Variants in UGT1A7 observed in about 807,000 individuals in gnomAD.
UGT1A7 encodes UDP glucuronosyltransferase family 1 member A7.
UGT1A7 carries 33 observed loss-of-function variants against 45.6 expected under a neutral mutation model. That is an observed-to-expected ratio of 0.72 (90% CI 0.55 to 0.97). The LOEUF (loss-of-function observed/expected upper bound fraction) is 0.97. UGT1A7 is among the 50% of genes least tolerant of loss of function. UGT1A7 has a pLI of 0.00. For missense variants in UGT1A7, 684 were observed against 666.2 expected (o/e 1.03, Z -0.29); for synonymous variants, 274 against 250.6 (o/e 1.09, Z -0.88).
intron 1 of UGT1A7, chr2:233,691,046 A>G: frequency 1.0e-6 from 1 of 988,608 alleles, no homozygotes; most frequent in Non-Finnish European, 1.2e-6. Context: ...CGTCCACAGC[A>G]GAGTGGAGGT....
chr2:233,690,192 A>T (rs1459130504), intron 1 of UGT1A7, among the ~76,000 whole-genome samples: 1 of 152,240 alleles, frequency 6.6e-6, no homozygotes, highest in Admixed American at 6.5e-5. Flanking sequence ...TTCATAAAAT[A>T]TTCATAAATT....
chr2:233,725,495 C>A (rs1341757937), intron 1 of UGT1A7, among the ~76,000 whole-genome samples: 1 of 151,610 alleles, frequency 6.6e-6, no homozygotes, highest in Non-Finnish European at 1.5e-5. Flanking sequence ...AAAAAGAAAC[C>A]ACTGAAATTA....
chr2:233,753,025 CA>C (rs2125918346), intron 1 of UGT1A7, among the ~76,000 whole-genome samples: 1 of 152,200 alleles, frequency 6.6e-6, no homozygotes, highest in South Asian at 2.1e-4. Flanking sequence ...ATTTACAACA[CA>C]AAAAACTACC....
intron 1 of UGT1A7, chr2:233,718,687 G>C (rs878940196): frequency 1.1e-5 from 18 of 1,583,966 alleles, no homozygotes; most frequent in Admixed American, 9.0e-5. Context: ...TAAGTAACTG[G>C]AGGAGGGCAC....
intron 1 of UGT1A7, among the ~76,000 whole-genome samples, chr2:233,703,679 T>A (rs1325458220): frequency 1.3e-5 from 2 of 152,114 alleles, no homozygotes; most frequent in Non-Finnish European, 2.9e-5. Flanking sequence ...CATGATATAT[T>A]TTTTTTCCAC....
chr2:233,755,095 C>A, intron 1 of UGT1A7: 1 of 1,334,726 alleles, frequency 7.5e-7, no homozygotes, highest in Non-Finnish European at 1.0e-6. Context: ...CGTTTCTACG[C>A]GTCCGACAAC....
intron 1 of UGT1A7, chr2:233,761,020 C>T (rs1412278754): frequency 9.9e-6 from 16 of 1,614,116 alleles, no homozygotes; most frequent in Non-Finnish European, 1.4e-5. Context: ...GGTGACTGTC[C>T]AGGACCTATT....
intron 1 of UGT1A7, among the ~76,000 whole-genome samples, chr2:233,714,816 G>C: frequency 6.6e-6 from 1 of 152,208 alleles, no homozygotes; most frequent in Non-Finnish European, 1.5e-5. Context: ...TATGTAGTTA[G>C]TGACAACAAT....
chr2:233,689,977 C>T (rs1005809472), intron 1 of UGT1A7: 1 of 454,014 alleles, frequency 2.2e-6, no homozygotes, highest in African/African-American at 2.0e-5. Flanking sequence ...AACCCACAGG[C>T]CCCTAAAAGG....
At chr2:233,757,339 A>G (rs1013645188) in intron 1 of UGT1A7, among the ~76,000 whole-genome samples, 2 of 151,118 alleles carry the variant, frequency 1.3e-5, no homozygotes, top group African/African-American at 4.9e-5. Context: ...GGACCATGAC[A>G]GCTGGGTCTG....
chr2:233,725,558 C>A (rs1559370859), intron 1 of UGT1A7, among the ~76,000 whole-genome samples: 1 of 152,094 alleles, frequency 6.6e-6, no homozygotes, highest in Non-Finnish European at 1.5e-5. Context: ...ATCCTTTCAA[C>A]ATATATTCGA....
intron 1 of UGT1A7, among the ~76,000 whole-genome samples, chr2:233,685,982 G>T (rs1231017372): frequency 2.0e-5 from 3 of 152,110 alleles, no homozygotes; most frequent in Non-Finnish European, 4.4e-5. Flanking sequence ...TTAAAGTCCA[G>T]AAATAATCCT....
In UGT1A7 at chr2:233,682,686, T is replaced by G. The variant is rs911094118; in HGVS notation, c.749T>G (p.Ile250Ser). Residue 250 changes from isoleucine (I) to serine (S), a missense_variant, in exon 1 of 5, where the codon ATT (isoleucine) becomes AGT (serine). Coordinates refer to ENST00000373426, the MANE Select transcript of UGT1A7 (RefSeq NM_019077.3). The part of the protein sequence containing the change: ...TAYDLYSHTS[I>S]WLLRTDFVLE... ...TATGATCTCTACAGCCACACATCAA[T>G]TTGGTTGTTGCGAACTGACTTTGTT... is the stretch of plus-strand genomic sequence containing the variant. The G allele has an allele frequency of 1.2e-6, 2 of 1,613,872 alleles. No homozygotes were observed. Among genetic ancestry groups the G allele is most frequent in the Non-Finnish European group, 1.7e-6 (2 of 1,179,784 alleles).
At chr2:233,687,032 G>T (rs1469264089) in intron 1 of UGT1A7, among the ~76,000 whole-genome samples, 1 of 152,216 alleles carries the variant, frequency 6.6e-6, no homozygotes, top group Non-Finnish European at 1.5e-5. Flanking sequence ...GTTCAATGTA[G>T]TGTTTGAGCA....
chr2:233,769,433 A>G lies in UGT1A7; in HGVS notation c.1295+994A>G. The G allele has an allele frequency of 6.5e-7, 1 of 1,549,602 alleles. No homozygotes were observed. Among genetic ancestry groups the G allele is most frequent in the Non-Finnish European group, 8.9e-7 (1 of 1,128,216 alleles). ...TGCGTTTGTGCATGTGGCTGTGCTC[A>G]TGTGTGGGTGCACACGTGTGCATTC... is the stretch of plus-strand genomic sequence containing the variant. On this transcript the variant is annotated intron_variant, in intron 4 of 4. Coordinates refer to ENST00000373426, the MANE Select transcript of UGT1A7 (RefSeq NM_019077.3). This position sits in a 1 kb window ranked among gnomAD's most constrained non-coding sequence, Gnocchi z 4.4.
At chr2:233,714,334 A>T (rs147538599) in intron 1 of UGT1A7, among the ~76,000 whole-genome samples, 1 of 152,254 alleles carries the variant, frequency 6.6e-6, no homozygotes, top group East Asian at 1.9e-4. Context: ...AGACCTAAGC[A>T]CTCAGAGGAA....
Position 233,720,306 on chromosome 2 carries a change from T to A in UGT1A7, c.855+37514T>A, listed in dbSNP as rs1361961474. Among the ~76,000 whole-genome samples, 4 of 152,234 alleles carry A rather than the reference T, an allele frequency of 2.6e-5. No homozygotes were observed. The Middle Eastern group carries it at 0.01, about 388-fold the overall frequency. On this transcript the variant is annotated intron_variant, in intron 1 of 4. Transcript: ENST00000373426. ...TTCTGACCAGGAGTTGGGGGTCTGG[T>A]GTATGATGTGGGGACATCGTAGAGT...
At chr2:233,738,274 T>G (rs890858116) in intron 1 of UGT1A7, among the ~76,000 whole-genome samples, 8 of 152,200 alleles carry the variant, frequency 5.3e-5, no homozygotes, top group Non-Finnish European at 1.2e-4. Flanking sequence ...GCTCTTTCCT[T>G]TATAAATTAC....
intron 1 of UGT1A7, chr2:233,743,969 G>T: frequency 1.5e-6 from 2 of 1,324,976 alleles, no homozygotes; most frequent in Admixed American, 2.1e-5. Flanking sequence ...CGGCAAGGCT[G>T]CCAGCACCCA....
Sources: allele counts gnomAD v4.1 joint callset (sites outside exome capture counted in the v4.1 genomes callset), GRCh38; gene constraint gnomAD v4.1.1; non-coding constraint Gnocchi (gnomAD v3.1); transcripts MANE v1.5; gene names NCBI Gene and HGNC (gene_info 2026-07-23, HGNC 2026-07-21).